INSL6: variants seen among roughly 807,000 people sequenced by gnomAD.
INSL6 encodes the protein insulin-like peptide INSL6.
In INSL6, 16 loss-of-function variants were observed where a neutral mutation model predicts 9.4. That is an observed-to-expected ratio of 1.70 (90% confidence interval 1.15 to 2.59). INSL6 has a LOEUF of 2.59. Among genes scored for constraint, INSL6 ranks in the 30% most tolerant of loss-of-function variants. The probability of loss-of-function intolerance (pLI) is 0.00; values close to 1 mark genes in which losing one functional copy is unlikely to be tolerated. For synonymous variants in INSL6, 154 were observed against 96.9 expected (o/e 1.59, Z -3.46); for missense variants, 391 against 257.3 (o/e 1.52, Z -3.56).
chr9:5,052,720 A>G, the INSL6 span, among the ~76,000 whole-genome samples: 1 of 152,152 alleles, frequency 6.6e-6, no homozygotes, highest in African/African-American at 2.4e-5. Flanking sequence ...CAAACATTTC[A>G]TATAAATAGA....
downstream of INSL6, among the ~76,000 whole-genome samples, chr9:5,161,089 A>G (rs1824916999): frequency 6.6e-6 from 1 of 152,128 alleles, no homozygotes; most frequent in South Asian, 2.1e-4. Context: ...ATTCTATGAG[A>G]CCAATATTAC....
At chr9:5,028,065 GT>G in the INSL6 span, among the ~76,000 whole-genome samples, 2 of 152,158 alleles carry the variant, frequency 1.3e-5, no homozygotes, top group African/African-American at 2.4e-5. Flanking sequence ...CTTTCCATAA[GT>G]TTTTTTATTT....
intron 2 of INSL6, among the ~76,000 whole-genome samples, chr9:5,150,460 C>T (rs1266444862): frequency 6.6e-6 from 1 of 151,916 alleles, no homozygotes; most frequent in Non-Finnish European, 1.5e-5. Context: ...ATGGTCAATA[C>T]GCATATGAAA....
the INSL6 span, chr9:5,055,686 C>G: frequency 6.3e-7 from 1 of 1,576,150 alleles, no homozygotes; most frequent in East Asian, 2.2e-5. Context: ...AGTTATATTG[C>G]GATTTTCCTA....
intron 1 of INSL6, among the ~76,000 whole-genome samples, chr9:5,166,679 T>A (rs2130907762): frequency 6.6e-6 from 1 of 152,262 alleles, no homozygotes; most frequent in South Asian, 2.1e-4. Flanking sequence ...GTCAGAGTTA[T>A]CACCTTCAAA....
chr9:5,055,965 C>T, the INSL6 span, among the ~76,000 whole-genome samples: 6 of 151,996 alleles, frequency 3.9e-5, no homozygotes, highest in African/African-American at 1.4e-4. Context: ...GTATTACTAT[C>T]AACACCATCT....
chr9:5,121,102 G>A (rs1048681719), downstream of INSL6, among the ~76,000 whole-genome samples: 1 of 152,158 alleles, frequency 6.6e-6, no homozygotes, highest in African/African-American at 2.4e-5. Context: ...TTTAGAAGAG[G>A]CAGAATAGTA....
chr9:5,043,039 G>A, the INSL6 span, among the ~76,000 whole-genome samples: 2 of 152,216 alleles, frequency 1.3e-5, no homozygotes, highest in African/African-American at 4.8e-5. Flanking sequence ...CTGCTGTGTG[G>A]AGGCGCGCGG....
At chr9:5,143,663 C>CT (rs58643904) in intron 2 of INSL6, among the ~76,000 whole-genome samples, 2,442 of 142,198 alleles carry the variant, frequency 0.017, 58 homozygotes, top group African/African-American at 0.05. Flanking sequence ...ATTTGTTAAT[C>CT]TTTTTTTTTT....
the INSL6 span, among the ~76,000 whole-genome samples, chr9:5,011,741 C>G: frequency 1.3e-5 from 2 of 152,056 alleles, no homozygotes; most frequent in East Asian, 1.9e-4. Flanking sequence ...GGATTTCAAT[C>G]TTTCTCTGAA....
the INSL6 span, among the ~76,000 whole-genome samples, chr9:5,077,887 T>G: frequency 4.7e-4 from 71 of 152,354 alleles, 1 homozygote; most frequent in Middle Eastern, 0.02. Context: ...TCTGTATTTT[T>G]GGGCCATTGT....
the INSL6 span, chr9:5,099,853 A>G: frequency 6.6e-6 from 1 of 152,190 alleles, no homozygotes; most frequent in Admixed American, 6.5e-5. Context: ...CCAATTATCA[A>G]TAAACCTGGG....
chr9:5,004,340 T>C, the INSL6 span, among the ~76,000 whole-genome samples: 3 of 152,234 alleles, frequency 2.0e-5, no homozygotes, highest in African/African-American at 7.2e-5. Context: ...TCTGCTTCTA[T>C]GATTTCTACT....
At chr9:5,127,900 A>C (rs187658451) in intron 3 of INSL6, 1 of 232,532 alleles carries the variant, frequency 4.3e-6, no homozygotes, top group African/African-American at 2.2e-5. Flanking sequence ...ATAAGTAAAA[A>C]AGTATGCTTG....
chr9:5,159,401 C>T (rs1308946806), downstream of INSL6, among the ~76,000 whole-genome samples: 1 of 150,770 alleles, frequency 6.6e-6, no homozygotes, highest in Non-Finnish European at 1.5e-5. Context: ...CTCTTGCCTA[C>T]AAGAAACACG....
At chr9:5,153,303 C>T (rs1216380294) in intron 2 of INSL6, among the ~76,000 whole-genome samples, 5 of 152,156 alleles carry the variant, frequency 3.3e-5, no homozygotes, top group South Asian at 4.1e-4. Context: ...TTGAAATTCT[C>T]GTGCCAGCAC....
chr9:5,163,924 T>C lies in INSL6; in HGVS notation c.631A>G (p.Lys211Glu), dbSNP rs1824983033. 1.3e-6 allele frequency: 2 copies of C among 1,590,488 alleles called. No homozygotes were observed. Among genetic ancestry groups the C allele is most frequent in the African/African-American group, 1.3e-5 (1 of 74,548 alleles). Reference sequence around the variant, plus strand: ...AAATTCTAAGATGGTTAGTATATCTTAGTTACAAGTGATGATCTTTTTTCC... The same window carrying C: ...AAATTCTAAGATGGTTAGTATATCTCAGTTACAAGTGATGATCTTTTTTCC... ...LKEKRSSLVT[K>E]IY The change falls in exon 2 of 2, where the codon AAG becomes GAG. Residue 211 changes from lysine to glutamate, a missense_variant. Physicochemically the swap from Lys to Glu is moderately conservative, Grantham distance 56. Coordinates refer to ENST00000381641, the MANE Select transcript of INSL6 (RefSeq NM_007179.3).
At chr9:5,157,766 C>G (rs1393805219) in intron 2 of INSL6, among the ~76,000 whole-genome samples, 1 of 152,066 alleles carries the variant, frequency 6.6e-6, no homozygotes, top group Non-Finnish European at 1.5e-5. Context: ...CAATAAATAC[C>G]TCACTCTTGA....
chr9:5,101,439 C>T, the INSL6 span, among the ~76,000 whole-genome samples: 63 of 152,250 alleles, frequency 4.1e-4, no homozygotes, highest in African/African-American at 1.4e-3. Context: ...TTGTAGACCA[C>T]ACCTCTGGGG....
Sources: gnomAD v4.1 joint callset for allele counts (sites outside exome capture counted in the v4.1 genomes callset) on GRCh38, gnomAD v4.1.1 for gene constraint, MANE v1.5 for transcripts, NCBI Gene and HGNC (gene_info 2026-07-23, HGNC 2026-07-21) for gene names.